Variants in DPP10 observed in about 807,000 individuals in gnomAD.
The protein encoded by DPP10 is dipeptidyl peptidase like 10.
DPP10 carries 33 observed loss-of-function variants against 120.9 expected under a neutral mutation model. The observed-to-expected ratio is 0.27, with a 90% CI of 0.21 to 0.37. The LOEUF (loss-of-function observed/expected upper bound fraction) is 0.37. DPP10 is among the 10% of genes least tolerant of loss of function. The probability of loss-of-function intolerance (pLI) is 1.00; values close to 1 mark genes in which losing one functional copy is unlikely to be tolerated. For missense variants in DPP10, 816 were observed against 942.8 expected (o/e 0.87, Z 1.76); for synonymous variants, 337 against 326.1 (o/e 1.03, Z -0.36).
chr2:115,064,636 G>A, intron 1 of DPP10: 2 of 1,274,458 alleles, frequency 1.6e-6, no homozygotes, highest in Non-Finnish European at 1.0e-6. Flanking sequence ...GTACTTATAT[G>A]TGAATAGCAA....
chr2:114,955,619 G>T (rs577981011), intron 1 of DPP10, among the ~76,000 whole-genome samples: 1 of 152,088 alleles, frequency 6.6e-6, no homozygotes, highest in Non-Finnish European at 1.5e-5. Flanking sequence ...GCCTCCTATC[G>T]AAACTAAATA....
rs189256255 is a variant in DPP10 at position 114,771,663 on chromosome 2, T to G, written c.60+328825T>G. On this transcript the variant is annotated intron_variant, in intron 1 of 25. Transcript: ENST00000410059. ...CGTCTTAGCCGGGAGGAAACTCACT[T>G]GTTCAACATCACTGGAACTTCTAAG... 5.0e-3 allele frequency among the ~76,000 whole-genome samples: 766 copies of G among 152,324 alleles called. 6 individuals carry two copies. Among genetic ancestry groups the G allele is most frequent in the Middle Eastern group, 0.01 (3 of 294 alleles).
At chr2:115,608,068 A>G (rs150594964) in intron 5 of DPP10, among the ~76,000 whole-genome samples, 1 of 152,230 alleles carries the variant, frequency 6.6e-6, no homozygotes, top group East Asian at 1.9e-4. Flanking sequence ...ACAAGCACTA[A>G]CAAAACAGGA....
At chr2:114,617,464 A>G (rs1027263766) in intron 1 of DPP10, among the ~76,000 whole-genome samples, 3 of 152,100 alleles carry the variant, frequency 2.0e-5, no homozygotes, top group Non-Finnish European at 4.4e-5. Flanking sequence ...AATATATTAA[A>G]TGTTTATGAT....
chr2:115,300,091 TG>T (rs2061057429), intron 1 of DPP10, among the ~76,000 whole-genome samples: 1 of 152,080 alleles, frequency 6.6e-6, no homozygotes, highest in Non-Finnish European at 1.5e-5. Flanking sequence ...TGTTTTTATA[TG>T]TTTTTATTAT....
intron 3 of DPP10, among the ~76,000 whole-genome samples, chr2:115,382,889 G>T (rs1330907538): frequency 1.3e-5 from 2 of 152,146 alleles, no homozygotes; most frequent in Non-Finnish European, 2.9e-5. Flanking sequence ...AACCAATTGT[G>T]GGGCAGGAGG....
At chr2:115,227,240 G>A (rs2057479414) in intron 1 of DPP10, among the ~76,000 whole-genome samples, 1 of 152,046 alleles carries the variant, frequency 6.6e-6, no homozygotes, top group Non-Finnish European at 1.5e-5. Context: ...AGACAATTAT[G>A]TGAATATGGG....
At chr2:115,662,022 C>T (rs1248559168) in intron 5 of DPP10, among the ~76,000 whole-genome samples, 1 of 152,052 alleles carries the variant, frequency 6.6e-6, no homozygotes, top group East Asian at 1.9e-4. Flanking sequence ...CTTCTCATTT[C>T]CCCCTCCCCT....
At chr2:114,932,344 A>G (rs1043974367) in intron 1 of DPP10, among the ~76,000 whole-genome samples, 2 of 152,254 alleles carry the variant, frequency 1.3e-5, no homozygotes, top group Non-Finnish European at 2.9e-5. Context: ...ATTATTCACT[A>G]AAATATATGA....
chr2:115,257,336 G>T (rs1293946703), intron 1 of DPP10, among the ~76,000 whole-genome samples: 2 of 151,410 alleles, frequency 1.3e-5, no homozygotes, highest in Non-Finnish European at 2.9e-5. Flanking sequence ...AATTTATAAA[G>T]AAGAGAGGTG....
At chr2:115,037,718 C>G (rs79735681) in intron 1 of DPP10, among the ~76,000 whole-genome samples, 4,676 of 152,272 alleles carry the variant, frequency 0.031, 246 homozygotes, top group African/African-American at 0.11. Flanking sequence ...AAAATTTGCA[C>G]ACTGATCTAA....
intron 5 of DPP10, among the ~76,000 whole-genome samples, chr2:115,687,501 A>G (rs1263835567): frequency 6.6e-6 from 1 of 151,668 alleles, no homozygotes; most frequent in African/African-American, 2.4e-5. Flanking sequence ...ATAGATAGAT[A>G]GATAGATAGA....
intron 1 of DPP10, among the ~76,000 whole-genome samples, chr2:114,704,765 C>A (rs1460107261): frequency 1.3e-5 from 2 of 151,880 alleles, no homozygotes; most frequent in East Asian, 1.9e-4. Flanking sequence ...GAATTGTATC[C>A]CCTGAATAAT....
intron 1 of DPP10, among the ~76,000 whole-genome samples, chr2:115,081,642 T>C (rs1708282937): frequency 6.6e-6 from 1 of 152,198 alleles, no homozygotes; most frequent in African/African-American, 2.4e-5. Context: ...CCTTTTCTAC[T>C]TGTTCTCATA....
At chr2:114,810,357 G>T (rs781425972) in intron 1 of DPP10, among the ~76,000 whole-genome samples, 1 of 152,122 alleles carries the variant, frequency 6.6e-6, no homozygotes, top group African/African-American at 2.4e-5. Context: ...CTGAACAAGC[G>T]CCTTCTGGAG....
At chr2:115,803,887 G>A (rs1274500080) in intron 19 of DPP10, among the ~76,000 whole-genome samples, 1 of 152,006 alleles carries the variant, frequency 6.6e-6, no homozygotes, top group African/African-American at 2.4e-5. Context: ...TTCAACTTTG[G>A]TGAATCTGAC....
At chr2:114,858,201 G>T (rs1473739926) in intron 1 of DPP10, among the ~76,000 whole-genome samples, 1 of 152,060 alleles carries the variant, frequency 6.6e-6, no homozygotes, top group East Asian at 1.9e-4. Context: ...TGTTGCCCAG[G>T]CTGGTCTCGA....
chr2:115,162,040 C>T lies in DPP10; in HGVS notation c.61-147199C>T, dbSNP rs1051459937. 7.1e-6 allele frequency: 10 copies of T among 1,413,600 alleles called. No individual in the cohort carries two copies. The Admixed American group carries it at 1.3e-4, about 18-fold the overall frequency. The allele number at this position is 1,413,600 out of a possible 1,614,324, so 87.6% of individuals were successfully genotyped here. On this transcript the variant is annotated intron_variant, in intron 1 of 25. Coordinates refer to ENST00000410059, the MANE Select transcript of DPP10 (RefSeq NM_020868.6). ...AGCCGGCGGACCAGGTGAGAGTCGGCAGCCGCGGCCAGGCCCTCCCGGGAG... is the reference window on the plus strand; with the variant it reads ...AGCCGGCGGACCAGGTGAGAGTCGGTAGCCGCGGCCAGGCCCTCCCGGGAG...
chr2:115,488,862 C>G (rs2105328361), intron 3 of DPP10, among the ~76,000 whole-genome samples: 1 of 78,080 alleles, frequency 1.3e-5, no homozygotes, highest in East Asian at 4.8e-4. Context: ...CACATGTACC[C>G]TAAAACTTAG....
Sources: gnomAD v4.1 joint callset for allele counts (sites outside exome capture counted in the v4.1 genomes callset) on GRCh38, gnomAD v4.1.1 for gene constraint, MANE v1.5 for transcripts, NCBI Gene and HGNC (gene_info 2026-07-23, HGNC 2026-07-21) for gene names.